DCC: variants seen among roughly 807,000 people sequenced by gnomAD.
DCC encodes the protein DCC netrin 1 receptor.
DCC carries 58 observed loss-of-function variants against 172.5 expected under a neutral mutation model. The ratio of observed to expected loss-of-function variants is 0.34; its 90% confidence interval spans 0.27 to 0.42. DCC has a LOEUF of 0.42. DCC is among the 10% of genes least tolerant of loss of function. DCC has a pLI of 1.00. For synonymous variants in DCC, 709 were observed against 644.5 expected (o/e 1.10, Z -1.52); for missense variants, 1,740 against 1,791.0 (o/e 0.97, Z 0.51).
At chr18:52,646,916 C>T (rs968936201) in intron 1 of DCC, among the ~76,000 whole-genome samples, 1 of 152,138 alleles carries the variant, frequency 6.6e-6, no homozygotes, top group East Asian at 1.9e-4. Context: ...TTTTGACGAC[C>T]ATCCTAAGTC....
chr18:53,215,891 A>G (rs149960083), intron 12 of DCC, among the ~76,000 whole-genome samples: 1 of 152,192 alleles, frequency 6.6e-6, no homozygotes, highest in Non-Finnish European at 1.5e-5. Flanking sequence ...AAACAAAGAC[A>G]TCTGCTTCGT....
chr18:52,513,190 G>C (rs991600832), intron 1 of DCC, among the ~76,000 whole-genome samples: 8 of 152,168 alleles, frequency 5.3e-5, no homozygotes, highest in Admixed American at 4.6e-4. Context: ...TAGACAGTTT[G>C]CTTGTTTTGT....
chr18:53,257,750 C>G (rs1466345789), intron 12 of DCC, among the ~76,000 whole-genome samples: 4 of 152,154 alleles, frequency 2.6e-5, no homozygotes, highest in Non-Finnish European at 5.9e-5. Context: ...AGGATTCCCT[C>G]TTTTTCTATT....
chr18:52,567,896 T>C lies in DCC; in HGVS notation c.92-184158T>C, dbSNP rs148378777. Reference sequence around the variant, plus strand: ...GTACTTTGACTGTGATGATAACTATTCAAATTTATACTTGTGATAAAATGT... The same window carrying C: ...GTACTTTGACTGTGATGATAACTATCCAAATTTATACTTGTGATAAAATGT... On this transcript the variant is annotated intron_variant, in intron 1 of 28. Coordinates refer to ENST00000442544, the MANE Select transcript of DCC (RefSeq NM_005215.4). Among the ~76,000 whole-genome samples, 536 of 152,242 alleles carry C rather than the reference T, an allele frequency of 3.5e-3. 3 individuals are homozygous for C. Among genetic ancestry groups the C allele is most frequent in the South Asian group, 8.9e-3 (43 of 4,822 alleles).
intron 5 of DCC, among the ~76,000 whole-genome samples, chr18:52,984,061 T>A (rs2041253382): frequency 6.6e-6 from 1 of 152,108 alleles, no homozygotes; most frequent in South Asian, 2.1e-4. Flanking sequence ...GGGCCTGCAT[T>A]TGGTTGTCAA....
intron 1 of DCC, among the ~76,000 whole-genome samples, chr18:52,522,426 C>A (rs562999450): frequency 6.6e-6 from 1 of 152,114 alleles, no homozygotes; most frequent in African/African-American, 2.4e-5. Flanking sequence ...CTCAATGAGA[C>A]CCCCTGATCC....
chr18:52,566,186 T>TA (rs888447007), intron 1 of DCC, among the ~76,000 whole-genome samples: 18 of 152,024 alleles, frequency 1.2e-4, no homozygotes, highest in African/African-American at 3.6e-4. Context: ...TATGCAGCCG[T>TA]AAAAAAAGAT....
intron 2 of DCC, among the ~76,000 whole-genome samples, chr18:52,819,009 T>G (rs1359138675): frequency 6.6e-6 from 1 of 152,228 alleles, no homozygotes; most frequent in Admixed American, 6.5e-5. Context: ...CAAATAAGCA[T>G]TTAAGTGAAC....
intron 2 of DCC, among the ~76,000 whole-genome samples, chr18:52,815,509 G>T (rs758853534): frequency 1.3e-5 from 2 of 151,926 alleles, no homozygotes. Flanking sequence ...TGAGAAGGCA[G>T]CCACTTGCAA....
intron 1 of DCC, among the ~76,000 whole-genome samples, chr18:52,690,940 G>T (rs1599021958): frequency 6.6e-6 from 1 of 152,110 alleles, no homozygotes; most frequent in Non-Finnish European, 1.5e-5. Context: ...AGCTTTGTAA[G>T]CTCTCAAACC....
intron 1 of DCC, among the ~76,000 whole-genome samples, chr18:52,695,970 G>A (rs1312674559): frequency 6.6e-6 from 1 of 152,048 alleles, no homozygotes; most frequent in African/African-American, 2.4e-5. Flanking sequence ...AATCTATAAG[G>A]TACTTTTAAA....
chr18:53,010,183 A>G (rs2143875029), intron 5 of DCC, among the ~76,000 whole-genome samples: 1 of 152,018 alleles, frequency 6.6e-6, no homozygotes, highest in African/African-American at 2.4e-5. Flanking sequence ...GAAGCAAAAT[A>G]CCCTGTCTAA....
intron 1 of DCC, among the ~76,000 whole-genome samples, chr18:52,661,612 A>G (rs4556886): frequency 0.38 from 57,862 of 152,122 alleles, 11,633 homozygotes; most frequent in Admixed American, 0.44. Context: ...ACCTTTGGGA[A>G]GTGCCCAGTA....
chr18:52,536,178 G>A (rs1598895438), intron 1 of DCC, among the ~76,000 whole-genome samples: 1 of 152,106 alleles, frequency 6.6e-6, no homozygotes, highest in Non-Finnish European at 1.5e-5. Flanking sequence ...GGGGGAAGGA[G>A]GAAATGGAAC....
intron 2 of DCC, among the ~76,000 whole-genome samples, chr18:52,813,019 A>G (rs1364107262): frequency 2.0e-5 from 3 of 152,202 alleles, no homozygotes; most frequent in Non-Finnish European, 2.9e-5. Context: ...AAAAAGAAAC[A>G]CATGGCTTCT....
chr18:53,280,776 C>T (rs1038715585), intron 12 of DCC, among the ~76,000 whole-genome samples: 3 of 151,930 alleles, frequency 2.0e-5, no homozygotes, highest in Non-Finnish European at 2.9e-5. Flanking sequence ...GTTTCTGTTT[C>T]CTCACTTAAA....
At chr18:53,226,729 G>A (rs1181263715) in intron 12 of DCC, among the ~76,000 whole-genome samples, 4 of 151,390 alleles carry the variant, frequency 2.6e-5, no homozygotes, top group East Asian at 1.9e-4. Flanking sequence ...CAAAAAAGCC[G>A]ACCTCTGATT....
chr18:53,064,847 T>C (rs1329040019), intron 6 of DCC, among the ~76,000 whole-genome samples: 1 of 152,174 alleles, frequency 6.6e-6, no homozygotes, highest in East Asian at 1.9e-4. Context: ...AAGTGTTGTA[T>C]ACGCCTAAAA....
At chr18:53,224,328 T>G (rs987825876) in intron 12 of DCC, among the ~76,000 whole-genome samples, 1 of 152,156 alleles carries the variant, frequency 6.6e-6, no homozygotes, top group African/African-American at 2.4e-5. Context: ...AGGAGGGAAC[T>G]ATCTTTGCAT....
Sources: allele counts gnomAD v4.1 joint callset (sites outside exome capture counted in the v4.1 genomes callset), GRCh38; gene constraint gnomAD v4.1.1; transcripts MANE v1.5; gene names NCBI Gene and HGNC (gene_info 2026-07-23, HGNC 2026-07-21).